DTWD2: variants seen among roughly 807,000 people sequenced by gnomAD.
DTWD2 encodes tRNA-uridine aminocarboxypropyltransferase 2.
Under a neutral mutation model 31.8 loss-of-function variants are expected in DTWD2, and 39 were observed. The ratio of observed to expected loss-of-function variants is 1.22; its 90% CI spans 0.95 to 1.60. DTWD2 has a LOEUF of 1.60. Among genes scored for constraint, DTWD2 ranks in the 40% most tolerant of loss-of-function variants. The pLI is 0.00. For missense variants in DTWD2, 515 were observed against 381.5 expected, an observed-to-expected ratio of 1.35 and a Z score of -2.92; for synonymous variants, 180 against 142.8, an observed-to-expected ratio of 1.26 and a Z score of -1.86.
intron 2 of DTWD2, among the ~76,000 whole-genome samples, chr5:118,942,825 T>C (rs1754236196): frequency 6.6e-6 from 1 of 151,840 alleles, no homozygotes; most frequent in African/African-American, 2.4e-5. Flanking sequence ...TTTTTTAAGA[T>C]AGGGTCTTGC....
Position 118,840,622 on chromosome 5 carries a change from A to G in DTWD2, c.*295T>C, listed in dbSNP as rs922465420. ...ACAATTTTCTTCTATTTTACAAGTA[A>G]GAACTTCTAACCTATCACAACAACA... On this transcript the variant is annotated 3_prime_UTR_variant, in exon 6 of 6. Coordinates refer to ENST00000510708, the MANE Select transcript of DTWD2 (RefSeq NM_173666.4). 1 of 200,912 alleles carries G rather than the reference A, an allele frequency of 5.0e-6. No homozygotes were observed. Among genetic ancestry groups the G allele is most frequent in the African/African-American group, 2.4e-5 (1 of 42,404 alleles). 12.4% of individuals were successfully genotyped at this position (200,912 alleles called of 1,614,324 possible).
At chr5:118,971,421 CAAG>C (rs1754985196) in intron 1 of DTWD2, among the ~76,000 whole-genome samples, 1 of 152,162 alleles carries the variant, frequency 6.6e-6, no homozygotes, top group South Asian at 2.1e-4. Context: ...TTCAGTTCAA[CAAG>C]GAGAGCTAAC....
Position 118,836,699 on chromosome 5 carries a change from G to A in DTWD2, c.*4218C>T, listed in dbSNP as rs192808959. On this transcript the variant is annotated 3_prime_UTR_variant, in exon 6 of 6. Coordinates refer to ENST00000510708, the MANE Select transcript of DTWD2 (RefSeq NM_173666.4). ...ATAGTATTAGGAAGTGGAACCTTTG[G>A]GGGATGATTAGGTCATAAGGGTCTC... is the stretch of plus-strand genomic sequence containing the variant. 6.6e-5 allele frequency among the ~76,000 whole-genome samples: 10 copies of A among 152,218 alleles called. No homozygotes were observed. The East Asian group carries it at 1.9e-3, about 29-fold the overall frequency.
intron 4 of DTWD2, among the ~76,000 whole-genome samples, chr5:118,852,727 T>C (rs1412059744): frequency 6.6e-6 from 1 of 152,150 alleles, no homozygotes; most frequent in African/African-American, 2.4e-5. Flanking sequence ...GATATATATA[T>C]ATATATCTAA....
chr5:118,859,244 T>G (rs1049062911), intron 4 of DTWD2, among the ~76,000 whole-genome samples: 2 of 151,178 alleles, frequency 1.3e-5, no homozygotes, highest in African/African-American at 4.8e-5. Flanking sequence ...CTGGTAACAC[T>G]GAAATACAGT....
chr5:118,956,911 A>G (rs531800325), intron 1 of DTWD2, among the ~76,000 whole-genome samples: 1 of 148,958 alleles, frequency 6.7e-6, no homozygotes, highest in Non-Finnish European at 1.5e-5. Context: ...TGGCTTTGGA[A>G]AACTAAATAC....
chr5:118,952,809 C>T (rs1754495643), intron 1 of DTWD2, among the ~76,000 whole-genome samples: 1 of 152,178 alleles, frequency 6.6e-6, no homozygotes, highest in Non-Finnish European at 1.5e-5. Flanking sequence ...GACCACATTG[C>T]TTATGCTCCA....
chr5:118,949,536 G>A (rs1462533699), intron 1 of DTWD2, among the ~76,000 whole-genome samples: 1 of 152,312 alleles, frequency 6.6e-6, no homozygotes, highest in East Asian at 1.9e-4. Flanking sequence ...TGGGTAAAAT[G>A]GGAGAATTGT....
intron 4 of DTWD2, among the ~76,000 whole-genome samples, chr5:118,856,588 C>T (rs1333761599): frequency 6.6e-6 from 1 of 152,102 alleles, no homozygotes; most frequent in East Asian, 1.9e-4. Context: ...AAAGTAGTTA[C>T]ATTATATACA....
chr5:118,894,902 C>T (rs1446759028), intron 4 of DTWD2, among the ~76,000 whole-genome samples: 1 of 152,116 alleles, frequency 6.6e-6, no homozygotes, highest in South Asian at 2.1e-4. Context: ...CAGCTATTAT[C>T]ACACTGAATG....
chr5:118,914,998 G>T (rs137867146), intron 4 of DTWD2, among the ~76,000 whole-genome samples: 10 of 152,088 alleles, frequency 6.6e-5, no homozygotes, highest in Admixed American at 5.2e-4. Flanking sequence ...AGGCTAAGGT[G>T]GGTGGATCAC....
At chr5:118,868,217 A>G (rs1752421980) in intron 4 of DTWD2, among the ~76,000 whole-genome samples, 1 of 152,124 alleles carries the variant, frequency 6.6e-6, no homozygotes, top group Non-Finnish European at 1.5e-5. Flanking sequence ...CACATGCAAA[A>G]GAATGTTGTT....
At chr5:118,890,976 T>C (rs976617896) in intron 4 of DTWD2, among the ~76,000 whole-genome samples, 1 of 152,184 alleles carries the variant, frequency 6.6e-6, no homozygotes, top group Non-Finnish European at 1.5e-5. Flanking sequence ...GATAGAAGAA[T>C]AGAGCAGGAA....
chr5:118,976,918 C>T (rs1398448666), intron 1 of DTWD2, among the ~76,000 whole-genome samples: 4 of 152,160 alleles, frequency 2.6e-5, no homozygotes, highest in Non-Finnish European at 4.4e-5. Flanking sequence ...CCCTGATGAA[C>T]ATCAATGAGA....
chr5:118,921,934 A>G (rs969522758), intron 4 of DTWD2, among the ~76,000 whole-genome samples: 3 of 152,360 alleles, frequency 2.0e-5, no homozygotes, highest in South Asian at 2.1e-4. Flanking sequence ...AGTTCTCATA[A>G]AAGTGTTTTA....
chr5:118,862,011 C>T (rs530475874), intron 4 of DTWD2, among the ~76,000 whole-genome samples: 6 of 152,272 alleles, frequency 3.9e-5, no homozygotes, highest in East Asian at 1.9e-4. Flanking sequence ...TCTGTGGTCT[C>T]GCAGGATGTG....
intron 4 of DTWD2, among the ~76,000 whole-genome samples, chr5:118,901,752 A>C (rs1753214945): frequency 6.6e-6 from 1 of 152,138 alleles, no homozygotes; most frequent in African/African-American, 2.4e-5. Flanking sequence ...CAAAAGATTA[A>C]AATTGCTTCA....
At chr5:118,885,320 GC>G (rs1752837055) in intron 4 of DTWD2, among the ~76,000 whole-genome samples, 1 of 151,692 alleles carries the variant, frequency 6.6e-6, no homozygotes, top group African/African-American at 2.4e-5. Flanking sequence ...GGGTGTGGTG[GC>G]GGGCACCTGC....
At chr5:118,916,396 T>C (rs1374019932) in intron 4 of DTWD2, among the ~76,000 whole-genome samples, 1 of 152,184 alleles carries the variant, frequency 6.6e-6, no homozygotes, top group Non-Finnish European at 1.5e-5. Flanking sequence ...CCGGGTGCAG[T>C]GGCTCATGTC....
Sources: allele counts gnomAD v4.1 joint callset (sites outside exome capture counted in the v4.1 genomes callset), GRCh38; gene constraint gnomAD v4.1.1; transcripts MANE v1.5; gene names NCBI Gene and HGNC (gene_info 2026-07-23, HGNC 2026-07-21).